Variants in SENP5 observed in about 807,000 individuals in gnomAD.
SENP5 encodes SUMO specific peptidase 5, also known as sentrin-specific protease 5.
In SENP5, 21 loss-of-function variants were observed where a neutral mutation model predicts 74.2. That is an observed-to-expected ratio of 0.28 (90% confidence interval 0.20 to 0.41). The LOEUF (loss-of-function observed/expected upper bound fraction) is 0.41, where lower values mean the gene tolerates loss of function less well. Ranked by LOEUF, SENP5 falls within the 10% of genes least tolerant of loss-of-function variation. The pLI is 1.00. For missense variants in SENP5, 717 were observed against 889.1 expected, an observed-to-expected ratio of 0.81 and a Z score of 2.46; for synonymous variants, 311 against 312.7, an observed-to-expected ratio of 0.99 and a Z score of 0.06.
Position 196,885,967 on chromosome 3 carries a change from A to G in SENP5, c.786A>G (p.Lys262=). The G allele has an allele frequency of 6.2e-7, 1 of 1,614,126 alleles. No homozygotes were observed. The highest frequency in any genetic ancestry group is 2.2e-5 in the East Asian group (1 of 44,888). ...AAAGCAAGGTTTGCAAGCTAAGAAA[A>G]GCCCAGCGAAGCTGGGTACAGAAAG... ...RTKSKVCKLR[K]AQRSWVQKVT... is the part of the protein sequence containing the mutation. The change falls in exon 2 of 10, where the codon AAA becomes AAG. Residue 262 remains lysine, a synonymous_variant. Transcript: ENST00000323460.
At chr3:196,880,638 C>CTTTTTTTTT (rs56188124) in intron 1 of SENP5, among the ~76,000 whole-genome samples, 1 of 101,936 alleles carries the variant, frequency 9.8e-6, no homozygotes, top group Non-Finnish European at 1.9e-5. Flanking sequence ...GCCAGTTATT[C>CTTTTTTTTT]TTTTTTTTTT....
intron 6 of SENP5, among the ~76,000 whole-genome samples, chr3:196,919,422 G>A (rs530735694): frequency 2.1e-4 from 32 of 152,284 alleles, no homozygotes; most frequent in Middle Eastern, 3.4e-3. Context: ...CGGAGGTTTT[G>A]TTGAGCCAAG....
chr3:196,921,872 C>T (rs1190316698), intron 6 of SENP5, among the ~76,000 whole-genome samples: 1 of 152,110 alleles, frequency 6.6e-6, no homozygotes, highest in Non-Finnish European at 1.5e-5. Flanking sequence ...AATGTTTTAA[C>T]CCAAGTAATC....
intron 7 of SENP5, among the ~76,000 whole-genome samples, 171 bp downstream of exon 7, chr3:196,923,722 G>C (rs2108863403): frequency 6.6e-6 from 1 of 152,314 alleles, no homozygotes; most frequent in Non-Finnish European, 1.5e-5. Context: ...TGGCTGAGGA[G>C]AGGATCTGTC....
intron 2 of SENP5, among the ~76,000 whole-genome samples, chr3:196,887,959 T>C (rs1714046208): frequency 6.6e-6 from 1 of 151,732 alleles, no homozygotes; most frequent in African/African-American, 2.4e-5. Context: ...GTAGAGACAG[T>C]GTTTCACCAT....
At chr3:196,911,720 G>A (rs1715141628) in intron 6 of SENP5, among the ~76,000 whole-genome samples, 1 of 152,112 alleles carries the variant, frequency 6.6e-6, no homozygotes, top group Non-Finnish European at 1.5e-5. Flanking sequence ...TGAGGCAGGA[G>A]AATCGCTTGA....
At chr3:196,899,636 T>C in intron 2 of SENP5, 30 bp from the exon 3 acceptor site, 1 of 1,429,802 alleles carries the variant, frequency 7.0e-7, no homozygotes, top group Non-Finnish European at 9.9e-7. Flanking sequence ...TGTTTTTCCA[T>C]CTTAACTTTT....
chr3:196,917,443 C>T (rs1417670310), intron 6 of SENP5, among the ~76,000 whole-genome samples: 2 of 151,856 alleles, frequency 1.3e-5, no homozygotes, highest in East Asian at 3.9e-4. Flanking sequence ...AGAAAGGTAT[C>T]AATATTCAGG....
intron 6 of SENP5, among the ~76,000 whole-genome samples, chr3:196,910,764 A>G (rs574736086): frequency 7.9e-5 from 12 of 152,344 alleles, no homozygotes; most frequent in African/African-American, 2.9e-4. Flanking sequence ...CTGTATAGCC[A>G]AGACAATCCT....
intron 1 of SENP5, among the ~76,000 whole-genome samples, chr3:196,877,117 C>G (rs1315451550): frequency 1.3e-5 from 2 of 151,218 alleles, no homozygotes; most frequent in Non-Finnish European, 3.0e-5. Context: ...GCCAGGAGTT[C>G]AAGACCAGTC....
At position 196,879,710 on chromosome 3, in the gene SENP5, G is replaced by C. The variant is rs74997599; in HGVS notation, c.-31-5441G>C. 9.1e-3 allele frequency among the ~76,000 whole-genome samples: 1,390 copies of C among 152,238 alleles called. 20 individuals carry two copies. The highest frequency in any genetic ancestry group is 0.032 in the African/African-American group (1,329 of 41,518). On this transcript the variant is annotated intron_variant, in intron 1 of 9. Coordinates refer to ENST00000323460, the MANE Select transcript of SENP5 (RefSeq NM_152699.5). ...CCTTCTCCTGTGACTCTCTGAGAAG[G>C]ATGCATGGGAGGTAAATATTTTGAT...
At chr3:196,927,299 A>G (rs577913786) in intron 7 of SENP5, among the ~76,000 whole-genome samples, 1 of 152,158 alleles carries the variant, frequency 6.6e-6, no homozygotes, top group Non-Finnish European at 1.5e-5. Flanking sequence ...TTTCTTTTTG[A>G]CTTGCCAGTA....
intron 6 of SENP5, among the ~76,000 whole-genome samples, chr3:196,912,355 AG>A (rs1330877957): frequency 6.6e-6 from 1 of 152,152 alleles, no homozygotes; most frequent in Non-Finnish European, 1.5e-5. Context: ...CTCACTCATA[AG>A]TGGGAGTTGT....
intron 1 of SENP5, among the ~76,000 whole-genome samples, chr3:196,884,668 TTTTTTG>T (rs1441562257): frequency 1.5e-5 from 2 of 129,090 alleles, no homozygotes; most frequent in African/African-American, 3.8e-5. Context: ...AAATCAGTTT[TTTTTTG>T]TTTTTTTTTT....
chr3:196,905,380 G>A (rs1356692101), intron 6 of SENP5, among the ~76,000 whole-genome samples: 1 of 152,148 alleles, frequency 6.6e-6, no homozygotes, highest in Non-Finnish European at 1.5e-5. Context: ...TCTACCTGGA[G>A]ACAGTGCCAC....
At chr3:196,870,662 C>T (rs1294700444) in intron 1 of SENP5, among the ~76,000 whole-genome samples, 1 of 151,770 alleles carries the variant, frequency 6.6e-6, no homozygotes, top group Non-Finnish European at 1.5e-5. Context: ...GGATTACAAG[C>T]GCCCACCACC....
intron 2 of SENP5, among the ~76,000 whole-genome samples, chr3:196,895,698 T>G (rs772010782): frequency 2.0e-5 from 3 of 152,092 alleles, no homozygotes; most frequent in Admixed American, 6.6e-5. Context: ...ATTTTTGTAT[T>G]TTTTGTAGAG....
At chr3:196,930,535 C>G (rs1481041560) in intron 9 of SENP5, among the ~76,000 whole-genome samples, 3 of 152,196 alleles carry the variant, frequency 2.0e-5, no homozygotes, top group African/African-American at 7.2e-5. Flanking sequence ...ATTAGGTTCT[C>G]TTAGGAGTGT....
intron 7 of SENP5, among the ~76,000 whole-genome samples, chr3:196,924,820 T>C (rs969028922): frequency 3.9e-5 from 6 of 152,192 alleles, no homozygotes; most frequent in Non-Finnish European, 8.8e-5. Context: ...TTTATAATAG[T>C]GCAAAATAAA....
Sources: allele counts gnomAD v4.1 joint callset (sites outside exome capture counted in the v4.1 genomes callset), GRCh38; gene constraint gnomAD v4.1.1; transcripts MANE v1.5; gene names NCBI Gene and HGNC (gene_info 2026-07-23, HGNC 2026-07-21).